RGS6: variants seen among roughly 807,000 people sequenced by gnomAD.
RGS6 encodes regulator of G protein signaling 6.
In RGS6, 30 loss-of-function variants were observed where a neutral mutation model predicts 78.5. The ratio of observed to expected loss-of-function variants is 0.38; its 90% CI spans 0.29 to 0.52. The LOEUF (loss-of-function observed/expected upper bound fraction) is 0.52, where lower values mean the gene tolerates loss of function less well. Among genes scored for constraint, RGS6 ranks in the 20% least tolerant of loss-of-function variants. The probability of loss-of-function intolerance (pLI) is 0.85; values close to 1 mark genes in which losing one functional copy is unlikely to be tolerated. For missense variants in RGS6, 495 were observed against 609.7 expected, an observed-to-expected ratio of 0.81 and a Z score of 1.98; for synonymous variants, 206 against 206.0, an observed-to-expected ratio of 1.00 and a Z score of 0.00.
intron 2 of RGS6, among the ~76,000 whole-genome samples, chr14:72,008,328 G>C (rs1460255823): frequency 6.6e-6 from 1 of 152,138 alleles, no homozygotes; most frequent in Non-Finnish European, 1.5e-5. Context: ...ACCCAAGAAG[G>C]CTGATTTAGA....
chr14:72,425,788 G>C (rs1356014293), intron 3 of RGS6, among the ~76,000 whole-genome samples: 1 of 152,112 alleles, frequency 6.6e-6, no homozygotes, highest in Non-Finnish European at 1.5e-5. Context: ...TCCTTCTAGA[G>C]ATTTATCTTA....
intron 2 of RGS6, among the ~76,000 whole-genome samples, chr14:72,189,508 T>C (rs1260324237): frequency 6.6e-6 from 1 of 151,960 alleles, no homozygotes; most frequent in African/African-American, 2.4e-5. Context: ...AGGCACGAAG[T>C]TTAGGGAAGG....
the RGS6 span, among the ~76,000 whole-genome samples, chr14:72,580,037 G>A: frequency 4.4e-4 from 67 of 152,184 alleles, no homozygotes; most frequent in Non-Finnish European, 9.0e-4. Context: ...CTCTTAAATT[G>A]GAAGACACCT....
At chr14:71,922,858 A>AAACAG in the RGS6 span, among the ~76,000 whole-genome samples, 1 of 129,936 alleles carries the variant, frequency 7.7e-6, no homozygotes, top group East Asian at 2.0e-4. Context: ...CAAAAAACAA[A>AAACAG]AACAAAACAA....
chr14:72,573,941 C>G, the RGS6 span, among the ~76,000 whole-genome samples: 1 of 152,200 alleles, frequency 6.6e-6, no homozygotes, highest in African/African-American at 2.4e-5. Flanking sequence ...ACTGAGCCCT[C>G]AGATAAATGC....
intron 2 of RGS6, among the ~76,000 whole-genome samples, chr14:72,199,764 G>GA (rs2041055360): frequency 6.6e-6 from 1 of 152,294 alleles, no homozygotes; most frequent in African/African-American, 2.4e-5. Context: ...GGGTCTAAGT[G>GA]GTGGAAGGAT....
intron 2 of RGS6, among the ~76,000 whole-genome samples, chr14:72,253,405 T>C (rs1378179784): frequency 1.3e-5 from 2 of 152,254 alleles, no homozygotes; most frequent in Non-Finnish European, 2.9e-5. Context: ...ACTTATATAG[T>C]AGGCCAGAGA....
intron 6 of RGS6, among the ~76,000 whole-genome samples, chr14:72,462,628 A>T (rs938388172): frequency 1.3e-5 from 2 of 152,206 alleles, no homozygotes; most frequent in African/African-American, 4.8e-5. Context: ...CTAAAACGGT[A>T]CTTGGCCCAT....
chr14:72,250,240 TAAA>T (rs71448390), intron 2 of RGS6, among the ~76,000 whole-genome samples: 1 of 144,894 alleles, frequency 6.9e-6, no homozygotes, highest in Non-Finnish European at 1.5e-5. Flanking sequence ...TAAACTATAA[TAAA>T]AAAAAAAAGT....
the RGS6 span, among the ~76,000 whole-genome samples, chr14:71,885,707 C>G: frequency 6.6e-6 from 1 of 152,212 alleles, no homozygotes; most frequent in Non-Finnish European, 1.5e-5. Flanking sequence ...TCAGTGCATT[C>G]TTTGGAACAC....
intron 2 of RGS6, among the ~76,000 whole-genome samples, chr14:72,164,323 G>C (rs1322415763): frequency 2.6e-5 from 4 of 152,204 alleles, no homozygotes; most frequent in Non-Finnish European, 5.9e-5. Flanking sequence ...TGATTTGCAG[G>C]TTGCTTGTTT....
chr14:72,055,993 T>C (rs75464913), intron 2 of RGS6, among the ~76,000 whole-genome samples: 1 of 152,204 alleles, frequency 6.6e-6, no homozygotes. Context: ...CAAAGTTTAG[T>C]GTGCATAAGA....
intron 2 of RGS6, among the ~76,000 whole-genome samples, chr14:71,984,200 A>G (rs745852581): frequency 2.6e-5 from 4 of 151,924 alleles, no homozygotes; most frequent in Non-Finnish European, 5.9e-5. Flanking sequence ...GAGGGTCAGA[A>G]GGAGTAAATA....
At chr14:71,910,150 G>A in the RGS6 span, among the ~76,000 whole-genome samples, 2 of 152,082 alleles carry the variant, frequency 1.3e-5, no homozygotes, top group Non-Finnish European at 1.5e-5. Flanking sequence ...AGATTGTGCC[G>A]CTGCACTCCA....
At chr14:71,964,743 C>T in intron 1 of RGS6, 29 bp from the exon 2 acceptor site, 1 of 1,481,806 alleles carries the variant, frequency 6.7e-7, no homozygotes, top group South Asian at 1.2e-5. Flanking sequence ...TCCTTCGTGA[C>T]TTAATGGTTT....
At chr14:72,142,338 T>G (rs1338390223) in intron 2 of RGS6, among the ~76,000 whole-genome samples, 1 of 150,658 alleles carries the variant, frequency 6.6e-6, no homozygotes, top group Non-Finnish European at 1.5e-5. Flanking sequence ...AGGAGAGAGA[T>G]GACATCCTTT....
intron 3 of RGS6, among the ~76,000 whole-genome samples, chr14:72,353,855 G>A (rs967158001): frequency 1.3e-5 from 2 of 152,040 alleles, no homozygotes; most frequent in East Asian, 3.9e-4. Context: ...GTAGTGGTGC[G>A]TGCCTGTAGT....
rs544250406 is a variant in RGS6 at position 71,982,738 on chromosome 14, T to G, written c.84+17863T>G. ...AGCAGCTCCAATTGCTGGGCTCATC[T>G]TCTTAGTTTTCTTCTTTCAGGTCAT... On this transcript the variant is annotated intron_variant, in intron 2 of 17. Coordinates refer to ENST00000553525, the MANE Select transcript of RGS6 (RefSeq NM_001204424.2). Among the ~76,000 whole-genome samples, 59 of 152,358 alleles carry G rather than the reference T, an allele frequency of 3.9e-4. 1 individual carries two copies. Among genetic ancestry groups the G allele is most frequent in the African/African-American group, 1.3e-3 (56 of 41,590 alleles).
intron 2 of RGS6, among the ~76,000 whole-genome samples, chr14:72,154,792 C>T (rs906091405): frequency 1.3e-5 from 2 of 152,196 alleles, no homozygotes; most frequent in African/African-American, 4.8e-5. Context: ...TTGCCGTTTT[C>T]CCCAGTAAGT....
Sources: allele counts gnomAD v4.1 joint callset (sites outside exome capture counted in the v4.1 genomes callset), GRCh38; gene constraint gnomAD v4.1.1; transcripts MANE v1.5; gene names NCBI Gene and HGNC (gene_info 2026-07-23, HGNC 2026-07-21).